MGLL: variants seen among roughly 807,000 people sequenced by gnomAD.
MGLL encodes the protein monoglyceride lipase, also known as lysophospholipase homolog.
MGLL carries 7 observed loss-of-function variants against 29.1 expected under a neutral mutation model. That is an observed-to-expected ratio of 0.24 (90% CI 0.14 to 0.45). The LOEUF is 0.45. Ranked by LOEUF, MGLL falls within the 20% of genes least tolerant of loss-of-function variation. The probability of loss-of-function intolerance (pLI) is 0.99; values close to 1 mark genes in which losing one functional copy is unlikely to be tolerated. For synonymous variants in MGLL, 148 were observed against 168.3 expected (o/e 0.88, Z 0.93); for missense variants, 356 against 413.6 (o/e 0.86, Z 1.21).
At chr3:127,812,399 G>T (rs1011803609) in intron 2 of MGLL, among the ~76,000 whole-genome samples, 2 of 152,206 alleles carry the variant, frequency 1.3e-5, no homozygotes, top group Admixed American at 1.3e-4. Context: ...AACTGCAGAA[G>T]TTTATCAGGG....
At chr3:127,767,735 G>T (rs959765196) in intron 3 of MGLL, among the ~76,000 whole-genome samples, 3 of 152,212 alleles carry the variant, frequency 2.0e-5, no homozygotes, top group African/African-American at 7.2e-5. Flanking sequence ...TGATGCTTTT[G>T]ACAATATCCA....
chr3:127,729,149 T>C (rs2107637337), intron 3 of MGLL, among the ~76,000 whole-genome samples: 1 of 152,302 alleles, frequency 6.6e-6, no homozygotes, highest in South Asian at 2.1e-4. Flanking sequence ...AGATTCTTAT[T>C]TTTGAATAGT....
chr3:127,789,772 C>T (rs1027198618), intron 2 of MGLL, among the ~76,000 whole-genome samples: 8 of 152,026 alleles, frequency 5.3e-5, no homozygotes, highest in African/African-American at 1.9e-4. Context: ...AAGAAAGAGG[C>T]AGACCTTTAA....
chr3:127,756,872 C>T lies in MGLL; in HGVS notation c.262+24917G>A, dbSNP rs370764548. Among the ~76,000 whole-genome samples the T allele has an allele frequency of 4.6e-5, 7 of 152,288 alleles. No individual in the cohort carries two copies. The East Asian group carries it at 1.4e-3, about 29-fold the overall frequency. On this transcript the variant is annotated intron_variant, in intron 3 of 7. Coordinates refer to ENST00000265052, the MANE Select transcript of MGLL (RefSeq NM_007283.7). ...CCACCATGGCTGCTACCCTTGATGA[C>T]GCAGACCTAGGTCAGTAGCAGGAGG...
upstream of MGLL, chr3:127,822,552 T>G: frequency 6.8e-6 from 4 of 586,628 alleles, no homozygotes; most frequent in South Asian, 8.4e-5. Context: ...GGAGCGGCGC[T>G]GCGATTCTCC....
At chr3:127,777,292 C>T (rs746731998) in intron 3 of MGLL, among the ~76,000 whole-genome samples, 11 of 152,146 alleles carry the variant, frequency 7.2e-5, no homozygotes, top group Non-Finnish European at 1.5e-4. Context: ...TAGAAACAAT[C>T]GGGGAAATGC....
chr3:127,783,169 G>C lies in MGLL; in HGVS notation c.156-1274C>G, dbSNP rs1253497009. On this transcript the variant is annotated intron_variant, in intron 2 of 7. Transcript: ENST00000265052. ...AAAAAAAAAAAAAAAAAAAAAAAAA[G>C]AAGTAAAGTAAGTTGTCCGAGCCAC... 5.5e-5 allele frequency among the ~76,000 whole-genome samples: 4 copies of C among 73,298 alleles called. 1 individual carries two copies. The highest frequency in any genetic ancestry group is 9.7e-5 in the African/African-American group (2 of 20,618). 48.1% of individuals were successfully genotyped at this position (73,298 alleles called of 152,430 possible). A position where few individuals can be genotyped will look rare whatever the true frequency, so the allele number is the denominator to read the frequency against.
At chr3:127,781,681 TG>T in intron 3 of MGLL, 107 bp downstream of exon 3, 1 of 1,025,118 alleles carries the variant, frequency 9.8e-7, no homozygotes, top group Non-Finnish European at 1.6e-6. Flanking sequence ...GAAACATCCG[TG>T]GGGAATAGAA....
At chr3:127,755,533 G>A (rs1026956015) in intron 3 of MGLL, among the ~76,000 whole-genome samples, 5 of 152,106 alleles carry the variant, frequency 3.3e-5, no homozygotes, top group South Asian at 2.1e-4. Flanking sequence ...GGAGGTGCAC[G>A]GTCACAAGGG....
chr3:127,793,081 G>A (rs1035376357), intron 2 of MGLL, among the ~76,000 whole-genome samples: 4 of 152,190 alleles, frequency 2.6e-5, no homozygotes, highest in African/African-American at 7.2e-5. Context: ...TTCCTCCTTG[G>A]CTGTGAGCCA....
intron 3 of MGLL, among the ~76,000 whole-genome samples, chr3:127,733,975 G>A (rs2076198812): frequency 6.6e-6 from 1 of 152,248 alleles, no homozygotes; most frequent in South Asian, 2.1e-4. Context: ...CAATCGTACA[G>A]CGTAGAGCGT....
At chr3:127,751,880 A>G (rs915161102) in intron 3 of MGLL, among the ~76,000 whole-genome samples, 3 of 152,228 alleles carry the variant, frequency 2.0e-5, no homozygotes, top group Non-Finnish European at 2.9e-5. Flanking sequence ...GGGCTTTCCA[A>G]TTCACAGTGG....
chr3:127,694,286 A>AATATATATAT (rs869111063), intron 7 of MGLL, among the ~76,000 whole-genome samples: 5 of 97,888 alleles, frequency 5.1e-5, no homozygotes, highest in Non-Finnish European at 7.7e-5. Flanking sequence ...AAAAAAAAAA[A>AATATATATAT]ATATATATAT....
chr3:127,714,316 C>G (rs2075774827), intron 5 of MGLL, among the ~76,000 whole-genome samples: 1 of 152,132 alleles, frequency 6.6e-6, no homozygotes, highest in South Asian at 2.1e-4. Flanking sequence ...GAGAGCACAT[C>G]CTGCTCAGGA....
chr3:127,746,943 G>A (rs1222054662), intron 3 of MGLL, among the ~76,000 whole-genome samples: 2 of 152,248 alleles, frequency 1.3e-5, no homozygotes, highest in Non-Finnish European at 2.9e-5. Context: ...GGTCCCTGGG[G>A]TGGCTCCCAG....
intron 2 of MGLL, among the ~76,000 whole-genome samples, chr3:127,806,077 T>C (rs947126466): frequency 6.6e-6 from 1 of 152,234 alleles, no homozygotes; most frequent in Non-Finnish European, 1.5e-5. Context: ...TGCCCATCTT[T>C]GTTCTGGTGC....
intron 3 of MGLL, among the ~76,000 whole-genome samples, chr3:127,747,041 C>T (rs2076459761): frequency 1.3e-5 from 2 of 152,206 alleles, no homozygotes; most frequent in South Asian, 4.1e-4. Flanking sequence ...CATTCTGTGT[C>T]TGCCTTTGTG....
chr3:127,707,164 G>C (rs1322671455), intron 6 of MGLL, among the ~76,000 whole-genome samples: 1 of 152,202 alleles, frequency 6.6e-6, no homozygotes, highest in African/African-American at 2.4e-5. Context: ...AACAGAGACT[G>C]GGCTCTAGAA....
intron 2 of MGLL, among the ~76,000 whole-genome samples, chr3:127,813,695 A>G (rs1286483183): frequency 6.6e-6 from 1 of 152,146 alleles, no homozygotes; most frequent in East Asian, 1.9e-4. Context: ...TCCATCTATG[A>G]AATGATGAGG....
Sources: allele counts gnomAD v4.1 joint callset (sites outside exome capture counted in the v4.1 genomes callset), GRCh38; gene constraint gnomAD v4.1.1; transcripts MANE v1.5; gene names NCBI Gene and HGNC (gene_info 2026-07-23, HGNC 2026-07-21).